DDX47: variants seen among roughly 807,000 people sequenced by gnomAD.
DDX47 encodes the protein probable ATP-dependent RNA helicase DDX47.
Under a neutral mutation model 58.8 loss-of-function variants are expected in DDX47, and 60 were observed. That is an observed-to-expected ratio of 1.02 (90% CI 0.83 to 1.26). The LOEUF (loss-of-function observed/expected upper bound fraction) is 1.26, where lower values mean the gene tolerates loss of function less well. DDX47 is among the 50% of genes most tolerant of loss of function. The pLI, the probability that DDX47 is intolerant of heterozygous loss-of-function variation, is 0.00. For synonymous variants in DDX47, 197 were observed against 204.6 expected (o/e 0.96, Z 0.32); for missense variants, 530 against 573.2 (o/e 0.92, Z 0.77).
chr12:12,822,511 A>G (rs1592323407), intron 5 of DDX47, 150 bp from the exon 6 acceptor site: 1 of 627,764 alleles, frequency 1.6e-6, no homozygotes, highest in East Asian at 2.8e-5. Flanking sequence ...TATTCAGTAA[A>G]CTTTAGCTGA....
At chr12:12,819,475 C>T (rs1862939533) in intron 2 of DDX47, among the ~76,000 whole-genome samples, 1 of 151,978 alleles carries the variant, frequency 6.6e-6, no homozygotes, top group South Asian at 2.1e-4. Flanking sequence ...AGCATCTGCC[C>T]CTGAGGAAGT....
intron 10 of DDX47, among the ~76,000 whole-genome samples, chr12:12,826,547 A>G (rs182244257): frequency 1.5e-4 from 22 of 151,094 alleles, no homozygotes; most frequent in Admixed American, 1.2e-3. Flanking sequence ...GGCTCAAGCA[A>G]TCCTCCTACC....
intron 11 of DDX47, 52 bp from the exon 12 acceptor site, chr12:12,829,371 C>G: frequency 6.4e-7 from 1 of 1,566,176 alleles, no homozygotes; most frequent in Admixed American, 1.9e-5. Context: ...AATGAGTAAC[C>G]TTCAGTGCCA....
intron 10 of DDX47, among the ~76,000 whole-genome samples, chr12:12,826,688 G>A (rs1431574921): frequency 1.3e-5 from 2 of 152,132 alleles, no homozygotes; most frequent in African/African-American, 4.8e-5. Context: ...GAGCTCAAGC[G>A]ATCCACCTGC....
At chr12:12,817,894 C>T (rs1373823451) in intron 2 of DDX47, among the ~76,000 whole-genome samples, 2 of 152,160 alleles carry the variant, frequency 1.3e-5, no homozygotes, top group African/African-American at 2.4e-5. Context: ...ATGAACTAAG[C>T]GACTTCAGCT....
chr12:12,821,269 C>T lies in DDX47; in HGVS notation c.243C>T (p.Pro81=), dbSNP rs776696564. 1 of 1,614,202 alleles carries T rather than the reference C, an allele frequency of 6.2e-7. No homozygotes were observed. The highest frequency in any genetic ancestry group is 8.5e-7 in the Non-Finnish European group (1 of 1,180,040). The change falls in exon 3 of 12, where the codon CCC becomes CCT. Residue 81 remains proline, a synonymous_variant. Coordinates refer to ENST00000358007, the MANE Select transcript of DDX47 (RefSeq NM_016355.4). ...GSGKTGAFAL[P]ILNALLETPQ... ...GAAAGACAGGCGCCTTTGCTTTGCC[C>T]ATTCTAAACGCACTGCTGGAGACCC... is the stretch of plus-strand genomic sequence containing the variant.
chr12:12,829,381 A>G (rs1194705918), intron 11 of DDX47, 42 bp from the exon 12 acceptor site: 6 of 1,579,842 alleles, frequency 3.8e-6, no homozygotes, highest in Non-Finnish European at 5.1e-6. Context: ...CTTCAGTGCC[A>G]GTAATTCATT....
In DDX47 at chr12:12,829,711, C is replaced by T. The variant is rs1863104008; in HGVS notation, c.*157C>T. On this transcript the variant is annotated 3_prime_UTR_variant, in exon 12 of 12. Transcript: ENST00000358007. ...CTTCCCCATTCTGGGTTGGAGTTTA[C>T]TGCAGAGTAATTCTTACAGTGCTGA... The T allele has an allele frequency of 1.1e-6, 1 of 883,410 alleles. No homozygotes were observed. The highest frequency in any genetic ancestry group is 1.7e-6 in the Non-Finnish European group (1 of 598,340). 54.7% of individuals were successfully genotyped at this position (883,410 alleles called of 1,614,324 possible).
Position 12,823,964 on chromosome 12 carries a change from T to C in DDX47, c.845T>C (p.Leu282Pro). The change falls in exon 8 of 12, where the codon CTA (leucine) becomes CCA (proline). Residue 282 changes from leucine (L) to proline (P), a missense_variant. By Grantham distance (98) the Leu-to-Pro change is moderately conservative. Transcript: ENST00000358007. ...TCNNTQRTAL[L>P]LRNLGFTAIP... ...AATAATACCCAGAGAACAGCTTTGC[T>C]ACTGCGAAATCTTGGCTTCACTGCC... The C allele has an allele frequency of 6.2e-7, 1 of 1,614,192 alleles. No homozygotes were observed. Among genetic ancestry groups the C allele is most frequent in the South Asian group, 1.1e-5 (1 of 91,084 alleles).
chr12:12,824,013 T>A lies in DDX47; in HGVS notation c.894T>A (p.Ser298Arg), dbSNP rs140263583. ...FTAIPLHGQM[S>R]QSKRLGSLNK... ...CCATCCCCCTCCATGGACAAATGAGTCAGGTAAGGATTCATCATCATCATC... is the reference window on the plus strand; with the variant it reads ...CCATCCCCCTCCATGGACAAATGAGACAGGTAAGGATTCATCATCATCATC... The change falls in exon 8 of 12, where the codon AGT (serine) becomes AGA (arginine). Residue 298 changes from serine to arginine, a missense_variant. Physicochemically the swap from Ser to Arg is moderately radical, Grantham distance 110 (BLOSUM62 -1). Transcript: ENST00000358007. 6.5e-5 allele frequency: 105 copies of A among 1,613,374 alleles called. No homozygotes were observed. The African/African-American group carries it at 1.3e-3, about 20-fold the overall frequency.
At chr12:12,813,567 T>A in intron 1 of DDX47, 113 bp downstream of exon 1, 1 of 1,024,958 alleles carries the variant, frequency 9.8e-7, no homozygotes, top group Non-Finnish European at 1.4e-6. Flanking sequence ...GGGGCCTAGC[T>A]TGGGTTTTCC....
rs1195646256 is a variant in DDX47, at chr12:12,827,270, C to T, written c.1131C>T (p.Arg377=). Residue 377 remains arginine, a synonymous_variant, in exon 11 of 12, where the codon CGC becomes CGT. Coordinates refer to ENST00000358007, the MANE Select transcript of DDX47 (RefSeq NM_016355.4). ...VTQYDVELFQ[R]IEHLIGKKLP... Reference sequence around the variant, plus strand: ...GGTATGATGTGGAACTCTTCCAGCGCATAGAACACTTAATTGGGAAGAAAC... The same window carrying T: ...GGTATGATGTGGAACTCTTCCAGCGTATAGAACACTTAATTGGGAAGAAAC... The T allele has an allele frequency of 6.2e-7, 1 of 1,614,154 alleles. No individual in the cohort carries two copies. The highest frequency in any genetic ancestry group is 1.3e-5 in the African/African-American group (1 of 75,030).
chr12:12,822,546 A>C, intron 5 of DDX47, 115 bp from the exon 6 acceptor site: 1 of 814,128 alleles, frequency 1.2e-6, no homozygotes, highest in Admixed American at 2.4e-5. Flanking sequence ...TCGAGTCCCA[A>C]ATCTTCACAG....
At position 12,829,896 on chromosome 12, in the gene DDX47, A is replaced by G. The variant is rs368975365; in HGVS notation, c.*342A>G. 1.3e-4 allele frequency: 22 copies of G among 170,914 alleles called. 1 individual carries two copies. Among genetic ancestry groups the G allele is most frequent in the African/African-American group, 5.0e-4 (21 of 42,224 alleles). The allele number at this position is 170,914 out of a possible 1,614,324, so 10.6% of individuals were successfully genotyped here. On this transcript the variant is annotated 3_prime_UTR_variant, in exon 12 of 12. Transcript: ENST00000358007. Reference sequence around the variant, plus strand: ...CCTGTAATTGTAAAGAAGCTTGGACATCTGCAAATGATATTTAAACCATCT... The same window carrying G: ...CCTGTAATTGTAAAGAAGCTTGGACGTCTGCAAATGATATTTAAACCATCT...
chr12:12,827,869 C>CTTTTTTTTTTTTTTTTTTTTT (rs1354059622), intron 11 of DDX47, among the ~76,000 whole-genome samples: 1 of 109,692 alleles, frequency 9.1e-6, no homozygotes. Context: ...CAAAACTTTT[C>CTTTTTTTTTTTTTTTTTTTTT]TTTTTTCTTT....
chr12:12,821,168 CAA>C (rs1392994082), intron 2 of DDX47, 38 bp from the exon 3 acceptor site: 2 of 1,597,930 alleles, frequency 1.3e-6, no homozygotes, highest in African/African-American at 2.7e-5. Flanking sequence ...AGAAATAGCG[CAA>C]AGAGATTACT....
At chr12:12,813,578 C>T in intron 1 of DDX47, 124 bp downstream of exon 1, 1 of 937,378 alleles carries the variant, frequency 1.1e-6, no homozygotes, top group East Asian at 2.6e-5. Context: ...TGGGTTTTCC[C>T]CAGAATTTCA....
Position 12,825,892 on chromosome 12 carries a change from AAATG to A in DDX47, c.1036-104_1036-101del, listed in dbSNP as rs1863045200. On this transcript the variant is annotated intron_variant, in intron 9 of 11. Coordinates refer to ENST00000358007, the MANE Select transcript of DDX47 (RefSeq NM_016355.4). ...GGCCATTTATTTTCTCCATGTTACG[AAATG>A]AATCTATTTTCTTTCAAAGGTTTTG... 2.5e-6 allele frequency: 2 copies of A among 798,824 alleles called. 1 individual carries two copies. The highest frequency in any genetic ancestry group is 4.3e-5 in the South Asian group (2 of 46,838). 49.5% of individuals were successfully genotyped at this position (798,824 alleles called of 1,614,324 possible).
rs113752062 is a variant in DDX47, at chr12:12,819,870, C to T, written c.182-1338C>T. ...TCATTCCTGGCCTCAGTTCAGGCCA[C>T]CATCATATCTCCCCTGAATTACATC... On this transcript the variant is annotated intron_variant, in intron 2 of 11. Transcript: ENST00000358007. Among the ~76,000 whole-genome samples the T allele has an allele frequency of 5.9e-5, 9 of 152,330 alleles. 2 individuals carry two copies. Among genetic ancestry groups the T allele is most frequent in the African/African-American group, 2.2e-4 (9 of 41,574 alleles).
Sources: gnomAD v4.1 joint callset for allele counts (sites outside exome capture counted in the v4.1 genomes callset) on GRCh38, gnomAD v4.1.1 for gene constraint, MANE v1.5 for transcripts, NCBI Gene and HGNC (gene_info 2026-07-23, HGNC 2026-07-21) for gene names.